CATSPERT: variants seen among roughly 807,000 people sequenced by gnomAD.
The protein encoded by CATSPERT is cation channel sperm-associated targeting subunit tau.
At chr2:201,558,420 CAT>C in the CATSPERT span, among the ~76,000 whole-genome samples, 4 of 152,232 alleles carry the variant, frequency 2.6e-5, no homozygotes, top group Non-Finnish European at 5.9e-5. Flanking sequence ...ACAGCACTGG[CAT>C]GCAGCAGGGG....
the CATSPERT span, among the ~76,000 whole-genome samples, chr2:201,577,968 T>C: frequency 6.6e-6 from 1 of 152,178 alleles, no homozygotes; most frequent in African/African-American, 2.4e-5. Context: ...CATCACATTG[T>C]ACCCCATAAA....
the CATSPERT span, chr2:201,535,787 A>G: frequency 7.3e-7 from 1 of 1,363,156 alleles, no homozygotes; most frequent in Non-Finnish European, 9.4e-7. Context: ...TTTAAAATAG[A>G]TTATTTTGTC....
At chr2:201,571,762 A>T in the CATSPERT span, among the ~76,000 whole-genome samples, 311 of 152,070 alleles carry the variant, frequency 2.0e-3, no homozygotes, top group Non-Finnish European at 3.9e-3. Context: ...GAAATTCAAA[A>T]TTTCTCCCTG....
chr2:201,618,910 C>T, the CATSPERT span: 10 of 1,613,662 alleles, frequency 6.2e-6, no homozygotes, highest in Non-Finnish European at 8.5e-6. Context: ...GTTCAGCAGC[C>T]GGTGCCCGGT....
chr2:201,555,924 A>T, the CATSPERT span: 1 of 152,180 alleles, frequency 6.6e-6, no homozygotes, highest in Non-Finnish European at 1.5e-5. Flanking sequence ...ACAATGCAAC[A>T]AGGAAAATTT....
the CATSPERT span, chr2:201,536,086 G>GA: frequency 1.9e-6 from 3 of 1,613,068 alleles, no homozygotes; most frequent in Admixed American, 1.7e-5. Flanking sequence ...ACTTCTAATG[G>GA]AAAAAATACA....
chr2:201,508,121 T>C, the CATSPERT span, among the ~76,000 whole-genome samples: 1 of 152,178 alleles, frequency 6.6e-6, no homozygotes, highest in Non-Finnish European at 1.5e-5. Context: ...AGCTATATAG[T>C]CAAGACTCAT....
the CATSPERT span, chr2:201,550,320 T>C: frequency 2.0e-5 from 3 of 152,196 alleles, no homozygotes; most frequent in South Asian, 6.2e-4. Flanking sequence ...GGCATTAACC[T>C]TTTAAGTTAA....
chr2:201,507,376 G>C, the CATSPERT span, among the ~76,000 whole-genome samples: 1 of 152,092 alleles, frequency 6.6e-6, no homozygotes, highest in Non-Finnish European at 1.5e-5. Context: ...AATTTTCCTG[G>C]ATGCAAATTT....
chr2:201,565,930 C>A, the CATSPERT span: 1 of 1,453,384 alleles, frequency 6.9e-7, no homozygotes. Flanking sequence ...CTTCCAAAAT[C>A]AGTGGCAGCT....
chr2:201,536,509 G>A, the CATSPERT span, among the ~76,000 whole-genome samples: 1 of 151,790 alleles, frequency 6.6e-6, no homozygotes, highest in Non-Finnish European at 1.5e-5. Context: ...ACCATGGACT[G>A]TAGAATACTA....
chr2:201,487,489 G>T, the CATSPERT span: 1 of 943,880 alleles, frequency 1.1e-6, no homozygotes, highest in East Asian at 2.6e-5. Flanking sequence ...GCTGACTTCT[G>T]TCACACAAAA....
chr2:201,508,659 G>C, the CATSPERT span, among the ~76,000 whole-genome samples: 12 of 152,296 alleles, frequency 7.9e-5, no homozygotes, highest in Admixed American at 3.3e-4. Context: ...TGGAAGGATG[G>C]CTTGAGCCTC....
the CATSPERT span, chr2:201,551,049 A>C: frequency 6.6e-6 from 1 of 152,210 alleles, no homozygotes; most frequent in South Asian, 2.1e-4. Flanking sequence ...AGCACAGTTG[A>C]TTCTTGAGCA....
chr2:201,562,205 T>TC, the CATSPERT span, among the ~76,000 whole-genome samples: 1 of 145,218 alleles, frequency 6.9e-6, no homozygotes, highest in Admixed American at 6.9e-5. Context: ...TTTTTTTTTT[T>TC]GAGATGGAGT....
the CATSPERT span, chr2:201,582,357 T>C: frequency 1.2e-6 from 1 of 821,916 alleles, no homozygotes; most frequent in Non-Finnish European, 1.7e-6. Context: ...TGCAAATAAA[T>C]ATTATTTGCA....
the CATSPERT span, chr2:201,549,565 A>G: frequency 6.6e-6 from 1 of 152,158 alleles, no homozygotes; most frequent in Non-Finnish European, 1.5e-5. Context: ...TCAACAAGCA[A>G]GATACTAGTA....
the CATSPERT span, chr2:201,494,317 A>C: frequency 6.5e-7 from 1 of 1,537,082 alleles, no homozygotes; most frequent in Non-Finnish European, 8.7e-7. Context: ...AATTGACTTG[A>C]GTATCATTGA....
the CATSPERT span, among the ~76,000 whole-genome samples, chr2:201,616,961 G>A: frequency 6.6e-6 from 1 of 152,114 alleles, no homozygotes; most frequent in Non-Finnish European, 1.5e-5. Flanking sequence ...ATTCACAATT[G>A]CTTCAAAGAG....
Sources: allele counts gnomAD v4.1 joint callset (sites outside exome capture counted in the v4.1 genomes callset), GRCh38; gene constraint gnomAD v4.1.1; transcripts MANE v1.5; gene names NCBI Gene and HGNC (gene_info 2026-07-23, HGNC 2026-07-21).